Variants in NDUFB6 observed in about 807,000 individuals in gnomAD.
The protein encoded by NDUFB6 is NADH dehydrogenase [ubiquinone] 1 beta subcomplex subunit 6.
A neutral mutation model predicts 17.5 loss-of-function variants in NDUFB6; 23 were observed. The ratio of observed to expected loss-of-function variants is 1.31; its 90% CI spans 0.94 to 1.86. The LOEUF is 1.86. Among genes scored for constraint, NDUFB6 ranks in the 40% most tolerant of loss-of-function variants. The pLI is 0.00. For missense variants in NDUFB6, 167 were observed against 153.8 expected, an observed-to-expected ratio of 1.09 and a Z score of -0.46; for synonymous variants, 60 against 53.5, an observed-to-expected ratio of 1.12 and a Z score of -0.53.
chr9:32,568,510 A>G, intron 2 of NDUFB6: 1 of 198,344 alleles, frequency 5.0e-6, no homozygotes, highest in Non-Finnish European at 1.1e-5. Context: ...CATGGTTTGA[A>G]AGGCCTGACT....
chr9:32,568,748 A>ATATATATATATATATTT (rs1213123923), intron 2 of NDUFB6: 1 of 114,400 alleles, frequency 8.7e-6, no homozygotes, highest in African/African-American at 3.9e-5. Context: ...ATATATATAT[A>ATATATATATATATATTT]TTTTTTTTTT....
chr9:32,567,115 C>A (rs1337090258), intron 2 of NDUFB6: 2 of 481,840 alleles, frequency 4.2e-6, no homozygotes, highest in African/African-American at 4.0e-5. Flanking sequence ...CAGTCTTGTG[C>A]TTCTGGAGCA....
Position 32,558,901 on chromosome 9 carries a change from A to T in NDUFB6, c.318+9T>A. On this transcript the variant is annotated intron_variant, in intron 3 of 3. Transcript: ENST00000379847. ...AAACAAAAGAAAAATCAGAAGTGTTAAGACTTACAGGGAATATTCTGGACT... is the reference window on the plus strand; with the variant it reads ...AAACAAAAGAAAAATCAGAAGTGTTTAGACTTACAGGGAATATTCTGGACT... 1 of 1,550,256 alleles carries T rather than the reference A, an allele frequency of 6.5e-7. No individual in the cohort carries two copies. The highest frequency in any genetic ancestry group is 1.7e-5 in the Admixed American group (1 of 58,448).
At chr9:32,570,900 G>C (rs2119038204) in intron 2 of NDUFB6, 60 bp downstream of exon 2, 1 of 1,172,962 alleles carries the variant, frequency 8.5e-7, no homozygotes, top group Non-Finnish European at 1.2e-6. Context: ...GGGTAAGATA[G>C]CCACAAAGAA....
At chr9:32,558,349 G>A (rs981409280) in intron 3 of NDUFB6, among the ~76,000 whole-genome samples, 3 of 152,088 alleles carry the variant, frequency 2.0e-5, no homozygotes, top group Non-Finnish European at 2.9e-5. Flanking sequence ...CTGACCTCAC[G>A]ATCCACCCAT....
At chr9:32,571,635 TAA>T (rs1333785584) in intron 1 of NDUFB6, among the ~76,000 whole-genome samples, 1 of 152,200 alleles carries the variant, frequency 6.6e-6, no homozygotes, top group Non-Finnish European at 1.5e-5. Flanking sequence ...CCAACTTGAT[TAA>T]AAAACACCTA....
intron 2 of NDUFB6, chr9:32,567,324 T>A (rs766522974): frequency 4.3e-6 from 2 of 469,740 alleles, no homozygotes; most frequent in Non-Finnish European, 4.4e-6. Flanking sequence ...GTGCCATATT[T>A]TGGTAATTCT....
chr9:32,568,306 TG>T, intron 2 of NDUFB6: 1 of 189,098 alleles, frequency 5.3e-6, no homozygotes, highest in Non-Finnish European at 1.2e-5. Context: ...GAATTAGAAG[TG>T]GAGCCTGACC....
intron 3 of NDUFB6, among the ~76,000 whole-genome samples, chr9:32,554,513 C>T (rs1284681058): frequency 6.6e-6 from 1 of 152,142 alleles, no homozygotes; most frequent in Non-Finnish European, 1.5e-5. Context: ...AGTTTTAAGA[C>T]AGATTATTCA....
rs919438732 is a variant in NDUFB6 at position 32,553,144 on chromosome 9, G to C, written c.*732C>G. On this transcript the variant is annotated 3_prime_UTR_variant, in exon 4 of 4. Transcript: ENST00000379847. ...TGACAGTCTTGAGTGTCAGATCATA[G>C]TTGGAATAAGCTTTTCAATCAAGTT... 3 of 420,228 alleles carry C rather than the reference G, an allele frequency of 7.1e-6. No individual in the cohort carries two copies. The highest frequency in any genetic ancestry group is 6.3e-4 in the Middle Eastern group (1 of 1,600). 26.0% of individuals were successfully genotyped at this position (420,228 alleles called of 1,614,324 possible).
intron 2 of NDUFB6, among the ~76,000 whole-genome samples, chr9:32,569,869 A>G (rs1009353638): frequency 6.9e-6 from 1 of 145,148 alleles, no homozygotes; most frequent in African/African-American, 2.6e-5. Context: ...TTACACTGCT[A>G]TTACACACTT....
intron 3 of NDUFB6, among the ~76,000 whole-genome samples, chr9:32,557,953 C>T (rs1821514160): frequency 6.6e-6 from 1 of 152,136 alleles, no homozygotes. Context: ...TATGATAGTT[C>T]ATTATCTGTG....
At chr9:32,559,025 A>G in intron 2 of NDUFB6, 71 bp from the exon 3 acceptor site, 1 of 1,107,170 alleles carries the variant, frequency 9.0e-7, no homozygotes, top group Non-Finnish European at 1.3e-6. Flanking sequence ...AATAGGTCAT[A>G]CCCCAAATTT....
Position 32,573,050 on chromosome 9 carries a change from T to A in NDUFB6, c.11A>T (p.Tyr4Phe). 1 of 1,571,106 alleles carries A rather than the reference T, an allele frequency of 6.4e-7. No homozygotes were observed. The highest frequency in any genetic ancestry group is 8.6e-7 in the Non-Finnish European group (1 of 1,158,170). ...CAGCCGCAGTTTCTCATCCGGAGTG[T>A]ACCCCGTCATGTCGCCGCTGGTACC... MTG[Y>F]TPDEKLRLQQ... The change falls in exon 1 of 4, where the codon TAC (tyrosine) becomes TTC (phenylalanine). Residue 4 changes from tyrosine to phenylalanine, a missense_variant. Coordinates refer to ENST00000379847, the MANE Select transcript of NDUFB6 (RefSeq NM_002493.5).
chr9:32,571,406 G>GTAA (rs1415202749), intron 1 of NDUFB6, among the ~76,000 whole-genome samples: 1 of 152,150 alleles, frequency 6.6e-6, no homozygotes, highest in Admixed American at 6.5e-5. Context: ...TTTAACCAGA[G>GTAA]TAATCAAACC....
intron 2 of NDUFB6, chr9:32,567,603 G>A: frequency 2.7e-6 from 1 of 372,772 alleles, no homozygotes; most frequent in Non-Finnish European, 5.5e-6. Context: ...GGGATTACAG[G>A]TGTGAGCCAC....
Position 32,573,067 on chromosome 9 carries a change from G to C in NDUFB6, c.-7C>G, listed in dbSNP as rs1340929631. On this transcript the variant is annotated 5_prime_UTR_variant, in exon 1 of 4. Coordinates refer to ENST00000379847, the MANE Select transcript of NDUFB6 (RefSeq NM_002493.5). ...CCGGAGTGTACCCCGTCATGTCGCCGCTGGTACCAACGCAAAAGGACACGG... is the reference window on the plus strand; with the variant it reads ...CCGGAGTGTACCCCGTCATGTCGCCCCTGGTACCAACGCAAAAGGACACGG... 21 of 1,548,294 alleles carry C rather than the reference G, an allele frequency of 1.4e-5. No homozygotes were observed. Among genetic ancestry groups the C allele is most frequent in the Non-Finnish European group, 1.8e-5 (21 of 1,145,732 alleles).
chr9:32,572,425 C>A (rs1358418836), intron 1 of NDUFB6, among the ~76,000 whole-genome samples: 1 of 152,162 alleles, frequency 6.6e-6, no homozygotes, highest in Non-Finnish European at 1.5e-5. Flanking sequence ...ACGGGGATCA[C>A]ATGGGGCTGT....
chr9:32,560,049 A>G (rs1191404590), intron 2 of NDUFB6, among the ~76,000 whole-genome samples: 1 of 152,238 alleles, frequency 6.6e-6, no homozygotes, highest in Non-Finnish European at 1.5e-5. Context: ...ATACAATGTG[A>G]GCACTTTAAA....
Sources: allele counts gnomAD v4.1 joint callset (sites outside exome capture counted in the v4.1 genomes callset), GRCh38; gene constraint gnomAD v4.1.1; transcripts MANE v1.5; gene names NCBI Gene and HGNC (gene_info 2026-07-23, HGNC 2026-07-21).